Variants in SLC22A23 observed in about 807,000 individuals in gnomAD.
SLC22A23 encodes solute carrier family 22 member 23.
In SLC22A23, 26 loss-of-function variants were observed where a neutral mutation model predicts 61.0. The observed-to-expected ratio is 0.43, with a 90% CI of 0.31 to 0.59. The LOEUF (loss-of-function observed/expected upper bound fraction) is 0.59, where lower values mean the gene tolerates loss of function less well. SLC22A23 is among the 20% of genes least tolerant of loss of function. SLC22A23 has a pLI of 0.11. For synonymous variants in SLC22A23, 430 were observed against 413.9 expected (o/e 1.04, Z -0.47); for missense variants, 796 against 934.7 (o/e 0.85, Z 1.94).
intron 3 of SLC22A23, among the ~76,000 whole-genome samples, chr6:3,384,619 A>T (rs929723581): frequency 6.6e-6 from 1 of 152,244 alleles, no homozygotes; most frequent in African/African-American, 2.4e-5. Context: ...TCTATTTTTA[A>T]AAATGTCAAT....
At chr6:3,334,053 T>G (rs1763718871) in intron 3 of SLC22A23, among the ~76,000 whole-genome samples, 1 of 152,230 alleles carries the variant, frequency 6.6e-6, no homozygotes, top group Non-Finnish European at 1.5e-5. Flanking sequence ...CTATAATTAA[T>G]TTTTCCATTG....
chr6:3,310,330 CG>C (rs1561888280), intron 4 of SLC22A23, among the ~76,000 whole-genome samples: 1 of 65,526 alleles, frequency 1.5e-5, no homozygotes, highest in Non-Finnish European at 3.6e-5. Context: ...GCCTCCCACT[CG>C]AGCACCCTGT....
intron 1 of SLC22A23, among the ~76,000 whole-genome samples, chr6:3,416,958 T>C (rs941175508): frequency 2.0e-5 from 3 of 152,088 alleles, no homozygotes; most frequent in Non-Finnish European, 4.4e-5. Context: ...AGTTCTGTCT[T>C]CTTAGATGTC....
intron 9 of SLC22A23, among the ~76,000 whole-genome samples, chr6:3,278,891 A>T (rs1434768943): frequency 6.6e-6 from 1 of 152,190 alleles, no homozygotes; most frequent in African/African-American, 2.4e-5. Flanking sequence ...ACTGACAAGC[A>T]GTGAGAGGAC....
rs866295914 is a variant in SLC22A23 at position 3,455,276 on chromosome 6, C to T, written c.654+630G>A. Among the ~76,000 whole-genome samples, 12 of 152,194 alleles carry T rather than the reference C, an allele frequency of 7.9e-5. No homozygotes were observed. In the South Asian group the frequency reaches 2.1e-3, roughly 26 times the overall value. On this transcript the variant is annotated intron_variant, in intron 1 of 9. Transcript: ENST00000406686. Reference sequence around the variant, plus strand: ...GCTGCTGTGTAAGAGCGGTGACGGCCGGGGAACACCCAAATGACATATTCT... The same window carrying T: ...GCTGCTGTGTAAGAGCGGTGACGGCTGGGGAACACCCAAATGACATATTCT...
intron 1 of SLC22A23, among the ~76,000 whole-genome samples, chr6:3,429,050 G>A (rs1047105039): frequency 5.3e-5 from 8 of 152,144 alleles, no homozygotes; most frequent in Non-Finnish European, 8.8e-5. Flanking sequence ...TGCAGAATAG[G>A]AGAGATGTTG....
intron 3 of SLC22A23, among the ~76,000 whole-genome samples, chr6:3,399,745 C>T (rs1768251763): frequency 6.6e-6 from 1 of 152,160 alleles, no homozygotes; most frequent in South Asian, 2.1e-4. Flanking sequence ...ATTAATGAAG[C>T]ATTCTGTGAG....
At chr6:3,377,136 C>T (rs912495361) in intron 3 of SLC22A23, among the ~76,000 whole-genome samples, 1 of 152,128 alleles carries the variant, frequency 6.6e-6, no homozygotes, top group East Asian at 1.9e-4. Flanking sequence ...TTGTAACACC[C>T]ATTTGTTTAC....
chr6:3,411,631 CAA>C (rs35882839), intron 2 of SLC22A23, among the ~76,000 whole-genome samples: 155 of 146,648 alleles, frequency 1.1e-3, no homozygotes, highest in Non-Finnish European at 1.6e-3. Context: ...AATAAAACTT[CAA>C]AAAAAAAAAT....
chr6:3,277,554 A>C (rs1047111344), intron 9 of SLC22A23, among the ~76,000 whole-genome samples: 3 of 152,086 alleles, frequency 2.0e-5, no homozygotes, highest in African/African-American at 7.2e-5. Flanking sequence ...TCTCTTGGGC[A>C]CTTCCCCTGC....
chr6:3,448,746 G>A (rs563605959), intron 1 of SLC22A23, among the ~76,000 whole-genome samples: 2 of 152,120 alleles, frequency 1.3e-5, no homozygotes, highest in South Asian at 4.2e-4. Flanking sequence ...CGCCCACCTC[G>A]GCCTCCCAAA....
At chr6:3,277,375 C>T (rs1273659597) in intron 9 of SLC22A23, among the ~76,000 whole-genome samples, 1 of 150,400 alleles carries the variant, frequency 6.6e-6, no homozygotes, top group Non-Finnish European at 1.5e-5. Flanking sequence ...CCTCACCCTT[C>T]CAGGAACCTC....
chr6:3,305,260 G>A (rs530098660), intron 4 of SLC22A23, among the ~76,000 whole-genome samples: 1 of 152,340 alleles, frequency 6.6e-6, no homozygotes, highest in African/African-American at 2.4e-5. Context: ...GCAGAGCTGG[G>A]ATCTGAACCC....
In SLC22A23 at chr6:3,308,117, C is replaced by G. The variant is rs1354819661; in HGVS notation, c.1083-9899G>C. 6.6e-6 allele frequency among the ~76,000 whole-genome samples: 1 copy of G among 152,156 alleles called. No individual in the cohort carries two copies. Among genetic ancestry groups the G allele is most frequent in the East Asian group, 1.9e-4 (1 of 5,196 alleles). ...GAAATGGATGGTGGAGATGGCTGCACAACATCGCGTTGTGGATGTGGTCAC... is the reference window on the plus strand; with the variant it reads ...GAAATGGATGGTGGAGATGGCTGCAGAACATCGCGTTGTGGATGTGGTCAC... On this transcript the variant is annotated intron_variant, in intron 4 of 9. Coordinates refer to ENST00000406686, the MANE Select transcript of SLC22A23 (RefSeq NM_015482.2). The surrounding 1 kb of genome is among the most constrained non-coding windows in gnomAD (Gnocchi z 5.1).
chr6:3,374,095 C>T (rs2127466375), intron 3 of SLC22A23, among the ~76,000 whole-genome samples: 1 of 152,368 alleles, frequency 6.6e-6, no homozygotes, highest in Middle Eastern at 3.4e-3. Context: ...TTATATCATA[C>T]TACCTCTCTC....
intron 1 of SLC22A23, among the ~76,000 whole-genome samples, chr6:3,428,969 G>T (rs189537277): frequency 6.6e-6 from 1 of 152,050 alleles, no homozygotes; most frequent in Non-Finnish European, 1.5e-5. Context: ...GGGCTCTGTA[G>T]CCCCCTCTTC....
At chr6:3,393,290 G>A (rs1234064334) in intron 3 of SLC22A23, among the ~76,000 whole-genome samples, 2 of 152,192 alleles carry the variant, frequency 1.3e-5, no homozygotes, top group African/African-American at 4.8e-5. Context: ...GTGAAAGGGA[G>A]AAATGATGCT....
In SLC22A23 at chr6:3,298,083, G is replaced by A. The variant is rs753849428; in HGVS notation, c.1210+8C>T. ...TCTCTGAGCCCTGCCAGCCCGCGGTGTGCTCACCTGGTATCACACCCTTGA... is the reference window on the plus strand; with the variant it reads ...TCTCTGAGCCCTGCCAGCCCGCGGTATGCTCACCTGGTATCACACCCTTGA... On this transcript the variant is annotated splice_region_variant and intron_variant, in intron 5 of 9. Transcript: ENST00000406686. The A allele has an allele frequency of 2.0e-6, 3 of 1,529,544 alleles. No homozygotes were observed. The highest frequency in any genetic ancestry group is 2.9e-5 in the African/African-American group (2 of 70,060). The allele number at this position is 1,529,544 out of a possible 1,614,324, so 94.7% of individuals were successfully genotyped here.
chr6:3,454,622 T>C lies in SLC22A23; in HGVS notation c.654+1284A>G, dbSNP rs1772303834. 6.6e-6 allele frequency among the ~76,000 whole-genome samples: 1 copy of C among 152,016 alleles called. No homozygotes were observed. On this transcript the variant is annotated intron_variant, in intron 1 of 9. Transcript: ENST00000406686. The surrounding 1 kb of genome is among the most constrained non-coding windows in gnomAD (Gnocchi z 4.3). ...AGGGAAAACAGTCACAGAAACACCT[T>C]TAGAAAGCAGGGGGTAGGAGGTGGG... is the stretch of plus-strand genomic sequence containing the variant.
Sources: gnomAD v4.1 joint callset for allele counts (sites outside exome capture counted in the v4.1 genomes callset) on GRCh38, gnomAD v4.1.1 for gene constraint, Gnocchi (gnomAD v3.1) non-coding constraint, MANE v1.5 for transcripts, NCBI Gene and HGNC (gene_info 2026-07-23, HGNC 2026-07-21) for gene names.